Variants in CDK8 observed in about 807,000 individuals in gnomAD.
CDK8 encodes the protein cyclin-dependent kinase 8.
Under a neutral mutation model 71.5 loss-of-function variants are expected in CDK8, and 29 were observed. The ratio of observed to expected loss-of-function variants is 0.41; its 90% CI spans 0.30 to 0.55. The LOEUF is 0.55. Among genes scored for constraint, CDK8 ranks in the 20% least tolerant of loss-of-function variants. The pLI is 0.37. For missense variants in CDK8, 288 were observed against 572.6 expected (o/e 0.50, Z 5.07); for synonymous variants, 161 against 192.1 (o/e 0.84, Z 1.34).
intron 1 of CDK8, among the ~76,000 whole-genome samples, chr13:26,309,190 A>G (rs1368937932): frequency 6.8e-6 from 1 of 147,970 alleles, no homozygotes; most frequent in East Asian, 2.0e-4. Context: ...CCCAGGCTGG[A>G]GTGCGGTGGC....
At position 26,347,548 on chromosome 13, in the gene CDK8, G is replaced by A. The variant is rs146425525; in HGVS notation, c.205-1524G>A. Among the ~76,000 whole-genome samples the A allele has an allele frequency of 3.9e-5, 6 of 152,248 alleles. No individual in the cohort carries two copies. The East Asian group carries it at 1.2e-3, about 29-fold the overall frequency. On this transcript the variant is annotated intron_variant, in intron 2 of 12. Coordinates refer to ENST00000381527, the MANE Select transcript of CDK8 (RefSeq NM_001260.3). ...AAATCATATATTTGATAAGGGATTA[G>A]TATCTAGACTATGTAAAGAACTCCT...
In CDK8 at chr13:26,401,179, C is replaced by A. The variant is rs1208869054; in HGVS notation, c.1032-90C>A. 1 of 1,014,394 alleles carries A rather than the reference C, an allele frequency of 9.9e-7. No homozygotes were observed. Among genetic ancestry groups the A allele is most frequent in the Non-Finnish European group, 1.5e-6 (1 of 673,348 alleles). 62.8% of individuals were successfully genotyped at this position (1,014,394 alleles called of 1,614,324 possible). Reference sequence around the variant, plus strand: ...TTGCAAATATGGAGACAAAGTTCATCTTAAAAGATTAAAATGAGAATCTCC... The same window carrying A: ...TTGCAAATATGGAGACAAAGTTCATATTAAAAGATTAAAATGAGAATCTCC... On this transcript the variant is annotated intron_variant, in intron 10 of 12. Transcript: ENST00000381527. This position sits in a 1 kb window ranked among gnomAD's most constrained non-coding sequence, Gnocchi z 4.5.
intron 1 of CDK8, among the ~76,000 whole-genome samples, chr13:26,266,549 G>C (rs1340409576): frequency 6.6e-6 from 1 of 152,204 alleles, no homozygotes; most frequent in Non-Finnish European, 1.5e-5. Context: ...GTCTTTCCAG[G>C]AGTCAGAGAT....
At chr13:26,383,968 C>T (rs1231238399) in intron 5 of CDK8, among the ~76,000 whole-genome samples, 3 of 151,974 alleles carry the variant, frequency 2.0e-5, no homozygotes, top group Non-Finnish European at 2.9e-5. Flanking sequence ...TCCATTTTTG[C>T]GGCATCAAAT....
intron 1 of CDK8, among the ~76,000 whole-genome samples, chr13:26,305,383 A>AT (rs1348095972): frequency 1.3e-5 from 2 of 151,832 alleles, no homozygotes; most frequent in African/African-American, 4.8e-5. Context: ...TGCTTTTAAC[A>AT]TTTTCTCTTT....
chr13:26,403,779 CAAGAG>C (rs962158130), intron 12 of CDK8, among the ~76,000 whole-genome samples, 172 bp from the exon 13 acceptor site: 1 of 152,198 alleles, frequency 6.6e-6, no homozygotes, highest in African/African-American at 2.4e-5. Flanking sequence ...TGACCTTCCT[CAAGAG>C]AAGAGGATGT....
Position 26,395,662 on chromosome 13 carries a change from C to T in CDK8, c.791-623C>T, listed in dbSNP as rs191895261. Among the ~76,000 whole-genome samples the T allele has an allele frequency of 7.6e-4, 115 of 152,160 alleles. 1 individual carries two copies. Among genetic ancestry groups the T allele is most frequent in the Admixed American group, 1.4e-3 (21 of 15,280 alleles). ...AGTAGCTGAAACGTTTTGTACTTAACGTATTTAGGAGCTGGGGTTGTTTTG... is the reference window on the plus strand; with the variant it reads ...AGTAGCTGAAACGTTTTGTACTTAATGTATTTAGGAGCTGGGGTTGTTTTG... On this transcript the variant is annotated intron_variant, in intron 7 of 12. Coordinates refer to ENST00000381527, the MANE Select transcript of CDK8 (RefSeq NM_001260.3).
At chr13:26,289,064 T>G (rs1332109666) in intron 1 of CDK8, among the ~76,000 whole-genome samples, 1 of 144,588 alleles carries the variant, frequency 6.9e-6, no homozygotes, top group Non-Finnish European at 1.5e-5. Flanking sequence ...TTTTTTTTTT[T>G]TTTTTTTTTT....
intron 1 of CDK8, among the ~76,000 whole-genome samples, chr13:26,255,378 G>A (rs923220057): frequency 6.6e-6 from 1 of 152,204 alleles, no homozygotes; most frequent in African/African-American, 2.4e-5. Context: ...GGGGTTTGGT[G>A]CAGGGTGGGT....
intron 6 of CDK8, among the ~76,000 whole-genome samples, chr13:26,388,013 T>C (rs1204032863): frequency 6.6e-6 from 1 of 152,236 alleles, no homozygotes; most frequent in Non-Finnish European, 1.5e-5. Flanking sequence ...GAATGAATCT[T>C]GTCTCTGACA....
At chr13:26,263,528 G>A (rs1426307890) in intron 1 of CDK8, among the ~76,000 whole-genome samples, 2 of 151,908 alleles carry the variant, frequency 1.3e-5, no homozygotes, top group African/African-American at 2.4e-5. Context: ...TGTAACCTCC[G>A]CCTCCTTGGT....
At chr13:26,363,107 G>C (rs1194817305) in intron 4 of CDK8, among the ~76,000 whole-genome samples, 1 of 149,870 alleles carries the variant, frequency 6.7e-6, no homozygotes. Flanking sequence ...GGATCACGAG[G>C]TCAAGAGATC....
At position 26,400,437 on chromosome 13, in the gene CDK8, T is replaced by C. The variant is rs112631686; in HGVS notation, c.934-16T>C. The C allele has an allele frequency of 1.8e-3, 2,737 of 1,493,466 alleles. 36 individuals carry two copies. The African/African-American group carries it at 0.028, about 16-fold the overall frequency. 92.5% of individuals were successfully genotyped at this position (1,493,466 alleles called of 1,614,324 possible). A position where few individuals can be genotyped will look rare whatever the true frequency, so the allele number is the denominator to read the frequency against. On this transcript the variant is annotated splice_polypyrimidine_tract_variant and intron_variant, in intron 9 of 12. Coordinates refer to ENST00000381527, the MANE Select transcript of CDK8 (RefSeq NM_001260.3). ...GAGAAGCAATACCGTCATGTTTGTA[T>C]GATTTGTGATTTCAGCTTCAGAAGC...
rs150739555 is a variant in CDK8 at position 26,295,560 on chromosome 13, T to C, written c.128+40791T>C. Among the ~76,000 whole-genome samples the C allele has an allele frequency of 5.9e-5, 9 of 152,268 alleles. No individual in the cohort carries two copies. The East Asian group carries it at 1.5e-3, about 26-fold the overall frequency. ...CAGAGTAAAGAGTCTTTGAAGAACT[T>C]TGTTGAATGAGTTATTGTCCTGGGC... On this transcript the variant is annotated intron_variant, in intron 1 of 12. Coordinates refer to ENST00000381527, the MANE Select transcript of CDK8 (RefSeq NM_001260.3).
At chr13:26,326,089 C>A (rs1440352246) in intron 1 of CDK8, among the ~76,000 whole-genome samples, 1 of 152,132 alleles carries the variant, frequency 6.6e-6, no homozygotes, top group Non-Finnish European at 1.5e-5. Context: ...GAGCCTTTGT[C>A]CCTAAGTGTG....
intron 2 of CDK8, among the ~76,000 whole-genome samples, chr13:26,343,106 A>G (rs1360262436): frequency 2.0e-5 from 3 of 152,158 alleles, no homozygotes; most frequent in Non-Finnish European, 2.9e-5. Context: ...AAAAGGCCTT[A>G]TCTCCAAATA....
chr13:26,374,110 A>G (rs1874831022), intron 4 of CDK8, among the ~76,000 whole-genome samples: 1 of 151,160 alleles, frequency 6.6e-6, no homozygotes. Context: ...CTGAGGCAGG[A>G]GAATGGCGTG....
chr13:26,341,943 A>G (rs1873257947), intron 2 of CDK8, among the ~76,000 whole-genome samples: 1 of 151,678 alleles, frequency 6.6e-6, no homozygotes, highest in Admixed American at 6.6e-5. Flanking sequence ...TTTTTTTGAG[A>G]CGAAGTCTCG....
chr13:26,325,952 G>A (rs1874998444), intron 1 of CDK8, among the ~76,000 whole-genome samples: 1 of 152,134 alleles, frequency 6.6e-6, no homozygotes, highest in Non-Finnish European at 1.5e-5. Context: ...TTTAAGGTTA[G>A]CTGTTGAGTC....
Sources: allele counts gnomAD v4.1 joint callset (sites outside exome capture counted in the v4.1 genomes callset), GRCh38; gene constraint gnomAD v4.1.1; non-coding constraint Gnocchi (gnomAD v3.1); transcripts MANE v1.5; gene names NCBI Gene and HGNC (gene_info 2026-07-23, HGNC 2026-07-21).